OSBPL3: variants seen among roughly 807,000 people sequenced by gnomAD.
OSBPL3 encodes oxysterol binding protein like 3.
In OSBPL3, 65 loss-of-function variants were observed where a neutral mutation model predicts 120.1. The ratio of observed to expected loss-of-function variants is 0.54; its 90% CI spans 0.44 to 0.67. OSBPL3 has a LOEUF of 0.67. Ranked by LOEUF, OSBPL3 falls within the 30% of genes least tolerant of loss-of-function variation. The pLI, the probability that OSBPL3 is intolerant of heterozygous loss-of-function variation, is 0.00. For missense variants in OSBPL3, 1,004 were observed against 1,082.1 expected, an observed-to-expected ratio of 0.93 and a Z score of 1.01; for synonymous variants, 416 against 402.6, an observed-to-expected ratio of 1.03 and a Z score of -0.40.
intron 10 of OSBPL3, among the ~76,000 whole-genome samples, chr7:24,858,594 T>C (rs1407806329): frequency 6.6e-6 from 1 of 152,240 alleles, no homozygotes; most frequent in Non-Finnish European, 1.5e-5. Flanking sequence ...GAATTTGTTG[T>C]CTGTAAGCCC....
chr7:24,979,178 C>T (rs1303491358), intron 1 of OSBPL3, among the ~76,000 whole-genome samples: 1 of 152,116 alleles, frequency 6.6e-6, no homozygotes, highest in Admixed American at 6.5e-5. Context: ...GTCCCTAAGA[C>T]CCTGAACTAA....
chr7:24,879,742 C>G lies in OSBPL3; in HGVS notation c.97-7673G>C, dbSNP rs1214175815. 1.3e-5 allele frequency among the ~76,000 whole-genome samples: 2 copies of G among 152,198 alleles called. No individual in the cohort carries two copies. The highest frequency in any genetic ancestry group is 4.8e-5 in the African/African-American group (2 of 41,468). ...TTCCAAAGAGAAAAACGCTTTCCAA[C>G]TGTATTGACCACAGACGGATTTATA... is the stretch of plus-strand genomic sequence containing the variant. On this transcript the variant is annotated intron_variant, in intron 2 of 22. Coordinates refer to ENST00000313367, the MANE Select transcript of OSBPL3 (RefSeq NM_015550.4). This position sits in a 1 kb window ranked among gnomAD's most constrained non-coding sequence, Gnocchi z 5.6.
rs991141597 is a variant in OSBPL3 at position 24,821,719 on chromosome 7, T to G, written c.1885-1481A>C. On this transcript the variant is annotated intron_variant, in intron 16 of 22. Transcript: ENST00000313367. The surrounding 1 kb of genome is among the most constrained non-coding windows in gnomAD (Gnocchi z 5.5). ...CCAGCTGCAATACAAAGCAGGAGAC[T>G]CAAATCTGCTGCTCTTTGGTTTGTC... is the stretch of plus-strand genomic sequence containing the variant. Among the ~76,000 whole-genome samples the G allele has an allele frequency of 2.0e-5, 3 of 152,188 alleles. No homozygotes were observed. Among genetic ancestry groups the G allele is most frequent in the Admixed American group, 6.5e-5 (1 of 15,274 alleles).
In OSBPL3 at chr7:24,834,495, C is replaced by A; in HGVS notation, c.1737G>T (p.Leu579=). The change falls in exon 15 of 23, where the codon CTG becomes CTT. Residue 579 remains leucine, a synonymous_variant. Transcript: ENST00000313367. This position sits in a 1 kb window ranked among gnomAD's most constrained non-coding sequence, Gnocchi z 5.2. ...LDKAAQIPSP[L]ERMVYVAAFA... is the part of the protein sequence containing the mutation. ...AAGGCTGACTCCTCACCATCCTTTC[C>A]AGGGGGCTGGGAATCTGCGCGGCCT... is the stretch of plus-strand genomic sequence containing the variant. The A allele has an allele frequency of 1.2e-6, 2 of 1,609,910 alleles. No individual in the cohort carries two copies. The highest frequency in any genetic ancestry group is 1.7e-6 in the Non-Finnish European group (2 of 1,177,494).
rs1184540487 is a variant in OSBPL3, at chr7:24,863,526, T to C, written c.747A>G (p.Thr249=). The C allele has an allele frequency of 6.2e-7, 1 of 1,614,094 alleles. No individual in the cohort carries two copies. The highest frequency in any genetic ancestry group is 2.2e-5 in the East Asian group (1 of 44,878). The change falls in exon 8 of 23, where the codon ACA becomes ACG. Residue 249 remains threonine, a synonymous_variant. Transcript: ENST00000313367. The surrounding 1 kb of genome is among the most constrained non-coding windows in gnomAD (Gnocchi z 5.8). ...TGGCGTTGATAGCTGGTGCCGAGTA[T>C]GTCCGATGCAGGACGTCCATGCTTT... The part of the protein sequence containing the change: ...LLQSMDVLHR[T]YSAPAINAIQ...
intron 6 of OSBPL3, among the ~76,000 whole-genome samples, 186 bp from the exon 7 acceptor site, chr7:24,865,651 T>C (rs188787137): frequency 7.2e-5 from 11 of 152,350 alleles, no homozygotes; most frequent in African/African-American, 2.4e-4. Context: ...CGTGCTATGA[T>C]ACGACATGCC....
rs1799767957 is a variant in OSBPL3, at chr7:24,855,772, G to C, written c.1028-3138C>G. ...TTACTTATTTCTAACATGAATCTAA[G>C]CTTACTAGAGACAAATAAACAGCTT... On this transcript the variant is annotated intron_variant, in intron 10 of 22. Coordinates refer to ENST00000313367, the MANE Select transcript of OSBPL3 (RefSeq NM_015550.4). This position sits in a 1 kb window ranked among gnomAD's most constrained non-coding sequence, Gnocchi z 4.3. Among the ~76,000 whole-genome samples the C allele has an allele frequency of 6.6e-6, 1 of 152,184 alleles. No individual in the cohort carries two copies. Among genetic ancestry groups the C allele is most frequent in the African/African-American group, 2.4e-5 (1 of 41,436 alleles).
Position 24,855,949 on chromosome 7 carries a change from T to C in OSBPL3, c.1028-3315A>G, listed in dbSNP as rs1799789367. On this transcript the variant is annotated intron_variant, in intron 10 of 22. Coordinates refer to ENST00000313367, the MANE Select transcript of OSBPL3 (RefSeq NM_015550.4). This position sits in a 1 kb window ranked among gnomAD's most constrained non-coding sequence, Gnocchi z 4.3. ...TCACATCTCCAGCTTCCCCGCCAAA[T>C]GGTCTGCTGGCCCACGCTTGTCAGA... Among the ~76,000 whole-genome samples, 1 of 152,174 alleles carries C rather than the reference T, an allele frequency of 6.6e-6. No individual in the cohort carries two copies. The highest frequency in any genetic ancestry group is 1.5e-5 in the Non-Finnish European group (1 of 68,024).
intron 2 of OSBPL3, among the ~76,000 whole-genome samples, chr7:24,887,873 T>C (rs1304722939): frequency 6.6e-6 from 1 of 152,144 alleles, no homozygotes; most frequent in Non-Finnish European, 1.5e-5. Context: ...GGGAAAATCA[T>C]TTACCACCCA....
chr7:24,935,420 A>G (rs1812293039), intron 1 of OSBPL3, among the ~76,000 whole-genome samples: 1 of 152,180 alleles, frequency 6.6e-6, no homozygotes, highest in Non-Finnish European at 1.5e-5. Flanking sequence ...TGTATTGTAT[A>G]TATTTCCATA....
chr7:24,845,396 A>T (rs1798297803), intron 12 of OSBPL3, among the ~76,000 whole-genome samples: 1 of 143,654 alleles, frequency 7.0e-6, no homozygotes. Context: ...AAAAAAAAAA[A>T]AAAAAAAAAA....
chr7:24,847,024 C>T (rs915474206), intron 12 of OSBPL3, among the ~76,000 whole-genome samples: 1 of 145,720 alleles, frequency 6.9e-6, no homozygotes, highest in Non-Finnish European at 1.5e-5. Flanking sequence ...GGTGCCACTG[C>T]ACTCCAGCCT....
intron 1 of OSBPL3, among the ~76,000 whole-genome samples, chr7:24,961,539 C>T (rs73078258): frequency 0.016 from 2,360 of 152,220 alleles, 23 homozygotes; most frequent in Middle Eastern, 0.058. Flanking sequence ...CACAAAAAAG[C>T]TCCCAGAGAG....
chr7:24,834,829 T>C lies in OSBPL3; in HGVS notation c.1496-93A>G. 1 of 1,131,816 alleles carries C rather than the reference T, an allele frequency of 8.8e-7. No homozygotes were observed. The highest frequency in any genetic ancestry group is 1.2e-6 in the Non-Finnish European group (1 of 818,392). 70.1% of individuals were successfully genotyped at this position (1,131,816 alleles called of 1,614,324 possible). ...GAATAAAACCTTACGTAGCAAGTAG[T>C]CAATGTTACTATTAAACTCAGTTGT... On this transcript the variant is annotated intron_variant, in intron 14 of 22. Coordinates refer to ENST00000313367, the MANE Select transcript of OSBPL3 (RefSeq NM_015550.4). This position sits in a 1 kb window ranked among gnomAD's most constrained non-coding sequence, Gnocchi z 5.2.
rs1472344174 is a variant in OSBPL3 at position 24,818,215 on chromosome 7, C to T, written c.1949-1527G>A. Among the ~76,000 whole-genome samples, 1 of 152,076 alleles carries T rather than the reference C, an allele frequency of 6.6e-6. No individual in the cohort carries two copies. Among genetic ancestry groups the T allele is most frequent in the Admixed American group, 6.5e-5 (1 of 15,282 alleles). ...TTCTTTTTGGAGTGATGAAAATGTTCTAAAATTAACTGTGCTGATAACTGC... is the reference window on the plus strand; with the variant it reads ...TTCTTTTTGGAGTGATGAAAATGTTTTAAAATTAACTGTGCTGATAACTGC... On this transcript the variant is annotated intron_variant, in intron 17 of 22. Transcript: ENST00000313367. The surrounding 1 kb of genome is among the most constrained non-coding windows in gnomAD (Gnocchi z 4.0).
Position 24,867,471 on chromosome 7 carries a change from T to G in OSBPL3, c.382-1234A>C, listed in dbSNP as rs79133698. ...AGGGACCTGGTCAGTGAGAGGTAACTGGATCATGGGGGCAAGTCATTCCCA... is the reference window on the plus strand; with the variant it reads ...AGGGACCTGGTCAGTGAGAGGTAACGGGATCATGGGGGCAAGTCATTCCCA... On this transcript the variant is annotated intron_variant, in intron 5 of 22. Transcript: ENST00000313367. The surrounding 1 kb of genome is among the most constrained non-coding windows in gnomAD (Gnocchi z 4.5). Among the ~76,000 whole-genome samples, 7,545 of 152,196 alleles carry G rather than the reference T, an allele frequency of 0.05. 468 individuals are homozygous for G. The highest frequency in any genetic ancestry group is 0.29 in the East Asian group (1,502 of 5,160).
At chr7:24,957,822 T>C (rs568222815) in intron 1 of OSBPL3, among the ~76,000 whole-genome samples, 2 of 152,292 alleles carry the variant, frequency 1.3e-5, no homozygotes, top group African/African-American at 4.8e-5. Flanking sequence ...AGGAAGCAAT[T>C]AATATAATCA....
At chr7:24,944,223 A>G (rs1430763663) in intron 1 of OSBPL3, among the ~76,000 whole-genome samples, 1 of 152,192 alleles carries the variant, frequency 6.6e-6, no homozygotes, top group Non-Finnish European at 1.5e-5. Flanking sequence ...AACACCTCCT[A>G]AAGTTATTGT....
At chr7:24,856,498 T>G (rs564003973) in intron 10 of OSBPL3, among the ~76,000 whole-genome samples, 36 of 152,306 alleles carry the variant, frequency 2.4e-4, no homozygotes, top group African/African-American at 8.7e-4. Flanking sequence ...AAAGTAGTTA[T>G]GAATGCCATG....
Sources: gnomAD v4.1 joint callset for allele counts (sites outside exome capture counted in the v4.1 genomes callset) on GRCh38, gnomAD v4.1.1 for gene constraint, Gnocchi (gnomAD v3.1) non-coding constraint, MANE v1.5 for transcripts, NCBI Gene and HGNC (gene_info 2026-07-23, HGNC 2026-07-21) for gene names.